The following ATXN1 variants were observed in gnomAD, a reference collection of about 807,000 sequenced individuals.
The protein encoded by ATXN1 is ataxin-1.
Under a neutral mutation model 56.4 loss-of-function variants are expected in ATXN1, and 8 were observed. The ratio of observed to expected loss-of-function variants is 0.14; its 90% CI spans 0.08 to 0.26. The LOEUF (loss-of-function observed/expected upper bound fraction) is 0.26. Among genes scored for constraint, ATXN1 ranks in the 10% least tolerant of loss-of-function variants. The pLI is 1.00. For synonymous variants in ATXN1, 514 were observed against 494.6 expected (o/e 1.04, Z -0.52); for missense variants, 987 against 1,106.5 (o/e 0.89, Z 1.53).
intron 5 of ATXN1, among the ~76,000 whole-genome samples, chr6:16,503,432 T>C (rs566268623): frequency 1.3e-5 from 2 of 152,356 alleles, no homozygotes; most frequent in East Asian, 3.9e-4. Context: ...GTTTGTTCCC[T>C]GTGCTTTGTC....
rs1454378471 is a variant in ATXN1, at chr6:16,301,239, T to C, written c.*5090A>G. The C allele has an allele frequency of 6.6e-6, 1 of 152,590 alleles. No individual in the cohort carries two copies. The highest frequency in any genetic ancestry group is 1.5e-5 in the Non-Finnish European group (1 of 68,032). The allele number at this position is 152,590 out of a possible 1,614,324, so 9.5% of individuals were successfully genotyped here. ...TCAAAGTGAGTGCTTCAAAATTTTG[T>C]TTTCTTCAGCTTCTCAAATCAGGTG... On this transcript the variant is annotated 3_prime_UTR_variant, in exon 8 of 8. Transcript: ENST00000436367.
chr6:16,359,667 A>G (rs1360068331), intron 6 of ATXN1, among the ~76,000 whole-genome samples: 1 of 151,546 alleles, frequency 6.6e-6, no homozygotes, highest in African/African-American at 2.4e-5. Context: ...GGAGCTCCCC[A>G]CTCCTCCGAG....
Position 16,556,304 on chromosome 6 carries a change from T to C in ATXN1, c.-361+29476A>G, listed in dbSNP as rs530389741. ...AAAATGAGGTATACTTTTATCTCGT[T>C]TCTTCCATCCCATTCTTCCACCTTT... On this transcript the variant is annotated intron_variant, in intron 4 of 7. Coordinates refer to ENST00000436367, the MANE Select transcript of ATXN1 (RefSeq NM_001128164.2). 1.1e-4 allele frequency among the ~76,000 whole-genome samples: 17 copies of C among 152,364 alleles called. No individual in the cohort carries two copies. In the South Asian group the frequency reaches 3.3e-3, roughly 30 times the overall value.
chr6:16,347,161 A>G (rs897173098), intron 6 of ATXN1, among the ~76,000 whole-genome samples: 4 of 152,160 alleles, frequency 2.6e-5, no homozygotes, highest in Non-Finnish European at 5.9e-5. Flanking sequence ...AGCCTCCCCG[A>G]CGAGCGCCGC....
chr6:16,473,587 A>C (rs1179485110), intron 6 of ATXN1, among the ~76,000 whole-genome samples: 1 of 152,158 alleles, frequency 6.6e-6, no homozygotes, highest in Non-Finnish European at 1.5e-5. Flanking sequence ...AATGACAAGA[A>C]GACACTTCCA....
chr6:16,572,207 T>C (rs1343538422), intron 4 of ATXN1, among the ~76,000 whole-genome samples: 1 of 152,178 alleles, frequency 6.6e-6, no homozygotes, highest in Admixed American at 6.5e-5. Context: ...TACAATTAAC[T>C]ATAAAAAGGG....
chr6:16,703,198 G>A (rs1759326003), intron 2 of ATXN1, among the ~76,000 whole-genome samples: 2 of 151,988 alleles, frequency 1.3e-5, no homozygotes. Flanking sequence ...GGATGAAGCT[G>A]GAAACCATCA....
At chr6:16,643,627 C>CAAAA (rs58223053) in intron 3 of ATXN1, among the ~76,000 whole-genome samples, 25 of 63,082 alleles carry the variant, frequency 4.0e-4, no homozygotes, top group African/African-American at 5.7e-4. Flanking sequence ...GAGACCCTGC[C>CAAAA]AAAAAAAAAA....
At chr6:16,379,380 C>T (rs9477097) in intron 6 of ATXN1, among the ~76,000 whole-genome samples, 20,052 of 152,056 alleles carry the variant, frequency 0.13, 1,449 homozygotes, top group African/African-American at 0.19. Flanking sequence ...TAACCAAATA[C>T]CACCTGTATC....
chr6:16,319,196 C>T (rs552350886), intron 7 of ATXN1, among the ~76,000 whole-genome samples: 2 of 150,180 alleles, frequency 1.3e-5, no homozygotes, highest in Non-Finnish European at 3.0e-5. Context: ...CCAGCCTGGG[C>T]AACAGAGCAA....
chr6:16,630,337 T>C (rs1763483791), intron 3 of ATXN1, among the ~76,000 whole-genome samples: 1 of 152,072 alleles, frequency 6.6e-6, no homozygotes, highest in African/African-American at 2.4e-5. Context: ...AGTTGCGAGG[T>C]CCATTTACAG....
intron 6 of ATXN1, among the ~76,000 whole-genome samples, chr6:16,432,213 G>A (rs1355606259): frequency 2.0e-5 from 3 of 152,254 alleles, no homozygotes; most frequent in South Asian, 2.1e-4. Flanking sequence ...CTGAGAAACC[G>A]CATGGAAAAT....
intron 5 of ATXN1, among the ~76,000 whole-genome samples, chr6:16,487,084 T>G (rs531020075): frequency 8.5e-4 from 129 of 152,318 alleles, no homozygotes; most frequent in Non-Finnish European, 1.6e-3. Flanking sequence ...CAGCTTCTCC[T>G]GGAACGATAC....
intron 6 of ATXN1, among the ~76,000 whole-genome samples, chr6:16,362,099 G>A (rs759787433): frequency 2.0e-5 from 3 of 152,126 alleles, no homozygotes; most frequent in Non-Finnish European, 4.4e-5. Flanking sequence ...TAGACATTCC[G>A]TAACTGGTGT....
chr6:16,483,432 G>A (rs1480433170), intron 6 of ATXN1, among the ~76,000 whole-genome samples: 2 of 152,150 alleles, frequency 1.3e-5, no homozygotes, highest in African/African-American at 4.8e-5. Flanking sequence ...GGGCATGCAG[G>A]ACACTAAACC....
intron 6 of ATXN1, among the ~76,000 whole-genome samples, chr6:16,472,461 G>C (rs1303401107): frequency 6.6e-6 from 1 of 152,164 alleles, no homozygotes; most frequent in South Asian, 2.1e-4. Context: ...AGTATAGAAT[G>C]CAATGAGTCA....
At chr6:16,715,512 A>G (rs1418389335) in intron 2 of ATXN1, among the ~76,000 whole-genome samples, 1 of 152,224 alleles carries the variant, frequency 6.6e-6, no homozygotes, top group African/African-American at 2.4e-5. Flanking sequence ...TTAACTCTTA[A>G]TATCTGTTGA....
At chr6:16,462,976 C>A (rs1760029827) in intron 6 of ATXN1, among the ~76,000 whole-genome samples, 1 of 152,104 alleles carries the variant, frequency 6.6e-6, no homozygotes, top group Admixed American at 6.5e-5. Flanking sequence ...GGACCCCCTG[C>A]AGCAGCACCC....
At chr6:16,325,796 T>C (rs1179546350) in intron 7 of ATXN1, among the ~76,000 whole-genome samples, 1 of 152,136 alleles carries the variant, frequency 6.6e-6, no homozygotes, top group Non-Finnish European at 1.5e-5. Flanking sequence ...CTTGCTATGT[T>C]GCCCAGGCTT....
Sources: gnomAD v4.1 joint callset for allele counts (sites outside exome capture counted in the v4.1 genomes callset) on GRCh38, gnomAD v4.1.1 for gene constraint, MANE v1.5 for transcripts, NCBI Gene and HGNC (gene_info 2026-07-23, HGNC 2026-07-21) for gene names.